Variants in MDH1B observed in about 807,000 individuals in gnomAD.
MDH1B encodes malate dehydrogenase 1B.
Under a neutral mutation model 61.4 loss-of-function variants are expected in MDH1B, and 60 were observed. The ratio of observed to expected loss-of-function variants is 0.98; its 90% CI spans 0.79 to 1.21. The LOEUF (loss-of-function observed/expected upper bound fraction) is 1.21, where lower values mean the gene tolerates loss of function less well. Ranked by LOEUF, MDH1B falls within the 50% of genes most tolerant of loss-of-function variation. MDH1B has a pLI of 0.00. For synonymous variants in MDH1B, 236 were observed against 218.7 expected (o/e 1.08, Z -0.70); for missense variants, 587 against 632.1 (o/e 0.93, Z 0.76).
chr2:206,762,868 C>A (rs895540727), intron 1 of MDH1B, among the ~76,000 whole-genome samples: 2 of 152,190 alleles, frequency 1.3e-5, no homozygotes, highest in African/African-American at 4.8e-5. Flanking sequence ...GGCATTCTCC[C>A]AGTTCTCCTA....
chr2:206,760,691 A>C (rs1689040280), intron 2 of MDH1B, among the ~76,000 whole-genome samples: 1 of 152,250 alleles, frequency 6.6e-6, no homozygotes, highest in Non-Finnish European at 1.5e-5. Context: ...CTTATTGATT[A>C]GGGTCTCATT....
Position 206,757,017 on chromosome 2 carries a change from G to C in MDH1B, c.294C>G (p.Ser98Arg). The change falls in exon 4 of 12, where the codon AGC (serine) becomes AGG (arginine). Residue 98 changes from serine (S) to arginine (R), a missense_variant. Transcript: ENST00000374412. ...HAQLYYDVTS[S>R]MTTELMMVIA... ...TTACCATCATCAGTTCAGTCGTCAT[G>C]CTAGAGGTGACATCATAGTAAAGCT... 6.2e-7 allele frequency: 1 copy of C among 1,613,684 alleles called. No individual in the cohort carries two copies. Among genetic ancestry groups the C allele is most frequent in the Non-Finnish European group, 8.5e-7 (1 of 1,179,648 alleles).
At position 206,746,427 on chromosome 2, in the gene MDH1B, C is replaced by CTGCAGTGA; in HGVS notation, c.1217-9_1217-2dup. 6.2e-7 allele frequency: 1 copy of CTGCAGTGA among 1,608,446 alleles called. No homozygotes were observed. Among genetic ancestry groups the CTGCAGTGA allele is most frequent in the South Asian group, 1.1e-5 (1 of 89,946 alleles). On this transcript the variant is annotated splice_acceptor_variant, in intron 7 of 11. Transcript: ENST00000374412. LOFTEE classifies it high-confidence loss of function. ...ATCCCTTTCGGAATACCAAACTGGCCTGCAGTGAGCAAACACAAAGCAAAG... is the reference window on the plus strand; with the variant it reads ...ATCCCTTTCGGAATACCAAACTGGCCTGCAGTGATGCAGTGAGCAAACACAAAGCAAAG...
At chr2:206,754,328 G>A (rs914318671) in intron 5 of MDH1B, among the ~76,000 whole-genome samples, 2 of 152,080 alleles carry the variant, frequency 1.3e-5, no homozygotes, top group Non-Finnish European at 2.9e-5. Flanking sequence ...GCTAAAATAT[G>A]TCCAATATTA....
At chr2:206,748,252 G>A (rs939961980) in intron 7 of MDH1B, among the ~76,000 whole-genome samples, 7 of 152,144 alleles carry the variant, frequency 4.6e-5, no homozygotes, top group Admixed American at 3.3e-4. Context: ...AGTGGCATGC[G>A]CCTGTGGTCC....
chr2:206,761,627 C>CATGTAT lies in MDH1B; in HGVS notation c.23-620_23-615dup, dbSNP rs545689352. Among the ~76,000 whole-genome samples the CATGTAT allele has an allele frequency of 3.0e-3, 462 of 151,720 alleles. 2 individuals carry two copies. Among genetic ancestry groups the CATGTAT allele is most frequent in the African/African-American group, 0.011 (445 of 41,128 alleles). On this transcript the variant is annotated intron_variant, in intron 1 of 11. Coordinates refer to ENST00000374412, the MANE Select transcript of MDH1B (RefSeq NM_001039845.3). ...GGATATATATGTATATGTATATGTA[C>CATGTAT]ATGTATATGTATATGTATACATATA...
At chr2:206,759,847 C>T (rs544397751) in intron 2 of MDH1B, among the ~76,000 whole-genome samples, 47 of 152,162 alleles carry the variant, frequency 3.1e-4, no homozygotes, top group Non-Finnish European at 6.2e-4. Context: ...GAAGCACTAC[C>T]AACCCAGCAG....
At chr2:206,739,551 T>C (rs769289719) in intron 11 of MDH1B, 42 bp downstream of exon 11, 2 of 1,554,626 alleles carry the variant, frequency 1.3e-6, no homozygotes, top group East Asian at 2.2e-5. Context: ...GTTCCACTTG[T>C]AGAATAAGAA....
At chr2:206,756,401 G>A (rs1351543402) in intron 4 of MDH1B, among the ~76,000 whole-genome samples, 2 of 152,128 alleles carry the variant, frequency 1.3e-5, no homozygotes, top group African/African-American at 4.8e-5. Context: ...GAGAGCAAGA[G>A]AGACAGAGAG....
At chr2:206,756,607 ACAGT>A (rs1688774207) in intron 4 of MDH1B, 1 of 314,824 alleles carries the variant, frequency 3.2e-6, no homozygotes, top group African/African-American at 2.2e-5. Flanking sequence ...GGAGAGAGCA[ACAGT>A]CAGAGAGGGT....
chr2:206,741,085 A>G lies in MDH1B; in HGVS notation c.1428T>C (p.Pro476=). The change falls in exon 10 of 12, where the codon CCT becomes CCC. Residue 476 remains proline, a synonymous_variant. Transcript: ENST00000374412. ...ACATAGCTAGATTTTTTTCTTCATC[A>G]GGGACCAGATCTTTATGTCCTGAAA... ...PYQSGHKDLV[P]DEEKNLAMSD... is the part of the protein sequence containing the mutation. 2 of 1,612,970 alleles carry G rather than the reference A, an allele frequency of 1.2e-6. No homozygotes were observed. The highest frequency in any genetic ancestry group is 1.7e-6 in the Non-Finnish European group (2 of 1,179,358).
At chr2:206,757,177 G>T in intron 3 of MDH1B, 60 bp downstream of exon 3, 1 of 1,544,310 alleles carries the variant, frequency 6.5e-7, no homozygotes, top group Non-Finnish European at 8.8e-7. Flanking sequence ...CAAGATATTT[G>T]AAAAATAAAA....
chr2:206,759,134 C>T (rs1688945455), intron 2 of MDH1B, among the ~76,000 whole-genome samples: 1 of 152,064 alleles, frequency 6.6e-6, no homozygotes, highest in African/African-American at 2.4e-5. Flanking sequence ...TTCCTCCTCC[C>T]ACCCTCCACC....
intron 1 of MDH1B, 126 bp from the exon 2 acceptor site, chr2:206,761,139 A>G: frequency 5.7e-6 from 3 of 525,068 alleles, no homozygotes; most frequent in Non-Finnish European, 1.0e-5. Flanking sequence ...ATAAAGTTGC[A>G]GTATAAACTG....
intron 2 of MDH1B, 85 bp downstream of exon 2, chr2:206,760,816 C>T: frequency 1.4e-6 from 1 of 725,734 alleles, no homozygotes; most frequent in South Asian, 1.9e-5. Context: ...TCCTAGAAGC[C>T]AGTCTAATAC....
chr2:206,745,730 CTTTTTTTTTTT>C, intron 8 of MDH1B, 57 bp from the exon 9 acceptor site: 4 of 747,926 alleles, frequency 5.3e-6, no homozygotes, highest in South Asian at 1.9e-5. Flanking sequence ...CTTAATTCTT[CTTTTTTTTTTT>C]TTTTTTTTTG....
chr2:206,753,475 T>C (rs1413971700), intron 5 of MDH1B, among the ~76,000 whole-genome samples: 2 of 152,120 alleles, frequency 1.3e-5, no homozygotes, highest in Non-Finnish European at 2.9e-5. Context: ...TTGACTTTTT[T>C]GCAACAGAAG....
chr2:206,744,111 C>A (rs1002539433), intron 9 of MDH1B, among the ~76,000 whole-genome samples: 1 of 152,196 alleles, frequency 6.6e-6, no homozygotes, highest in Non-Finnish European at 1.5e-5. Context: ...GCCACATGAG[C>A]TTTTCCACAG....
Position 206,745,628 on chromosome 2 carries a change from G to A in MDH1B, c.1402C>T (p.Gln468Ter), listed in dbSNP as rs1265514629. Residue 468 changes from glutamine (Q) to a stop codon, truncating the protein, a stop_gained, in exon 9 of 12, where the codon CAA (glutamine) becomes TAA (stop). Transcript: ENST00000374412. LOFTEE classifies it high-confidence loss of function. ...ATCACGTCTAAGAGCTTACCTGATT[G>A]GTATGGCTGAAAATGTATCTTGTCT... The part of the protein sequence containing the change: ...LGDKIHFQPY[Q>*]SGHKDLVPDE... 6.2e-7 allele frequency: 1 copy of A among 1,610,106 alleles called. No homozygotes were observed.
Sources: allele counts gnomAD v4.1 joint callset (sites outside exome capture counted in the v4.1 genomes callset), GRCh38; gene constraint gnomAD v4.1.1; transcripts MANE v1.5; gene names NCBI Gene and HGNC (gene_info 2026-07-23, HGNC 2026-07-21).